ANKRD28: variants seen among roughly 807,000 people sequenced by gnomAD.
The protein encoded by ANKRD28 is serine/threonine-protein phosphatase 6 regulatory ankyrin repeat subunit A.
Under a neutral mutation model 126.5 loss-of-function variants are expected in ANKRD28, and 44 were observed. The observed-to-expected ratio is 0.35, with a 90% CI of 0.27 to 0.45. The LOEUF is 0.45. Among genes scored for constraint, ANKRD28 ranks in the 20% least tolerant of loss-of-function variants. The pLI, the probability that ANKRD28 is intolerant of heterozygous loss-of-function variation, is 1.00. For synonymous variants in ANKRD28, 442 were observed against 468.5 expected (o/e 0.94, Z 0.73); for missense variants, 1,110 against 1,316.6 (o/e 0.84, Z 2.43).
chr3:15,719,073 A>T (rs2073403826), intron 8 of ANKRD28, among the ~76,000 whole-genome samples: 1 of 152,194 alleles, frequency 6.6e-6, no homozygotes, highest in African/African-American at 2.4e-5. Context: ...TTTGACCGAG[A>T]CCTAAAAACT....
intron 2 of ANKRD28, among the ~76,000 whole-genome samples, chr3:15,771,083 T>G (rs2058977783): frequency 6.6e-6 from 1 of 152,102 alleles, no homozygotes; most frequent in Admixed American, 6.5e-5. Context: ...AAAAGAGGTT[T>G]ATTTGGTTTA....
intron 1 of ANKRD28, among the ~76,000 whole-genome samples, chr3:15,850,249 AG>A (rs2061621659): frequency 1.4e-5 from 2 of 140,356 alleles, no homozygotes; most frequent in Admixed American, 7.2e-5. Flanking sequence ...AGAGAGAGAG[AG>A]AGAGAGAGAG....
chr3:15,773,238 T>A (rs534593892), intron 2 of ANKRD28, among the ~76,000 whole-genome samples: 1 of 152,136 alleles, frequency 6.6e-6, no homozygotes, highest in Non-Finnish European at 1.5e-5. Flanking sequence ...TAAGTGAAAG[T>A]TATACTAAAA....
chr3:15,688,719 A>C (rs1325523698), intron 18 of ANKRD28, among the ~76,000 whole-genome samples: 1 of 152,330 alleles, frequency 6.6e-6, no homozygotes, highest in East Asian at 1.9e-4. Context: ...ATAAAAATAG[A>C]GAGTTGTGAA....
chr3:15,669,633 T>C lies in ANKRD28; in HGVS notation c.*637A>G, dbSNP rs2066168079. The C allele has an allele frequency of 2.0e-5, 3 of 152,282 alleles. No homozygotes were observed. In the South Asian group the frequency reaches 6.2e-4, roughly 32 times the overall value. The allele number at this position is 152,282 out of a possible 1,614,324, so 9.4% of individuals were successfully genotyped here. A position where few individuals can be genotyped will look rare whatever the true frequency, so the allele number is the denominator to read the frequency against. ...AATGTAAAAATACATCTGCTTTCTC[T>C]CATGGTTTAATACAGCATTGGAAGG... On this transcript the variant is annotated 3_prime_UTR_variant, in exon 28 of 28. Coordinates refer to ENST00000683139, the MANE Select transcript of ANKRD28 (RefSeq NM_001349278.2).
chr3:15,849,859 C>T (rs759475455), intron 1 of ANKRD28, among the ~76,000 whole-genome samples: 35 of 152,134 alleles, frequency 2.3e-4, no homozygotes, highest in African/African-American at 6.7e-4. Context: ...ACCATGTATA[C>T]GGAAAACTTA....
intron 7 of ANKRD28, among the ~76,000 whole-genome samples, chr3:15,722,226 T>C (rs1425596382): frequency 1.3e-5 from 2 of 152,172 alleles, no homozygotes; most frequent in African/African-American, 4.8e-5. Flanking sequence ...CCAGGTATCA[T>C]GTATTTGGAG....
Position 15,796,648 on chromosome 3 carries a change from T to TTG in ANKRD28, c.-128_-127insCA, listed in dbSNP as rs1197088140. Reference sequence around the variant, plus strand: ...TCTCTGAACAGCACAGCTGGGTTTTTTTTTTTTTTAAAGTTAATAAGTACT... The same window carrying TTG: ...TCTCTGAACAGCACAGCTGGGTTTTTTGTTTTTTTTTAAAGTTAATAAGTACT... On this transcript the variant is annotated 5_prime_UTR_variant, in exon 1 of 28. Coordinates refer to ENST00000683139, the MANE Select transcript of ANKRD28 (RefSeq NM_001349278.2). The TTG allele has an allele frequency of 2.0e-6, 2 of 999,474 alleles. No homozygotes were observed. Among genetic ancestry groups the TTG allele is most frequent in the East Asian group, 1.0e-4 (1 of 9,798 alleles). 61.9% of individuals were successfully genotyped at this position (999,474 alleles called of 1,614,324 possible).
intron 10 of ANKRD28, among the ~76,000 whole-genome samples, chr3:15,712,760 A>C (rs2072483570): frequency 6.6e-6 from 1 of 152,242 alleles, no homozygotes; most frequent in Non-Finnish European, 1.5e-5. Context: ...TTTATACAAT[A>C]ATTCTATAAA....
chr3:15,713,271 A>G (rs2072569088), intron 10 of ANKRD28, among the ~76,000 whole-genome samples: 1 of 152,224 alleles, frequency 6.6e-6, no homozygotes, highest in Admixed American at 6.5e-5. Context: ...AAAAATTAAC[A>G]GCTCTGATCA....
At chr3:15,852,728 G>A (rs1002519118) in intron 1 of ANKRD28, among the ~76,000 whole-genome samples, 1 of 150,710 alleles carries the variant, frequency 6.6e-6, no homozygotes, top group African/African-American at 2.4e-5. Context: ...AGCTATTTGG[G>A]AGGCTGAGAG....
chr3:15,762,523 AT>A (rs536872123), intron 3 of ANKRD28, among the ~76,000 whole-genome samples: 2 of 151,750 alleles, frequency 1.3e-5, no homozygotes, highest in African/African-American at 4.8e-5. Flanking sequence ...TATAGAGTCT[AT>A]TTTTTTTCAA....
intron 4 of ANKRD28, among the ~76,000 whole-genome samples, chr3:15,739,898 C>T (rs186269406): frequency 1.3e-5 from 2 of 152,270 alleles, no homozygotes; most frequent in African/African-American, 4.8e-5. Flanking sequence ...ATATGGAGGC[C>T]TATCACTCCA....
chr3:15,836,471 T>G (rs1204786529), intron 1 of ANKRD28, among the ~76,000 whole-genome samples: 1 of 151,986 alleles, frequency 6.6e-6, no homozygotes, highest in Non-Finnish European at 1.5e-5. Context: ...GAGATACAAA[T>G]CCAACCATTT....
rs1180464982 is a variant in ANKRD28, at chr3:15,739,328, G to A, written c.352-2095C>T. The stretch of plus-strand genomic sequence containing the variant: ...AAGACAGGCATAAGAAATCATAAAA[G>A]TATTAATTTGGGGAACTAATAAATG... On this transcript the variant is annotated intron_variant, in intron 4 of 27. Transcript: ENST00000683139. Among the ~76,000 whole-genome samples the A allele has an allele frequency of 2.0e-5, 3 of 152,172 alleles. No individual in the cohort carries two copies. The East Asian group carries it at 5.8e-4, about 29-fold the overall frequency.
chr3:15,724,336 T>C, intron 7 of ANKRD28, 46 bp downstream of exon 7: 1 of 1,484,940 alleles, frequency 6.7e-7, no homozygotes, highest in Non-Finnish European at 9.2e-7. Flanking sequence ...TAATAGTAAG[T>C]ATAAAAGGGT....
intron 3 of ANKRD28, among the ~76,000 whole-genome samples, chr3:15,763,802 AG>A (rs1369713077): frequency 6.6e-6 from 1 of 152,204 alleles, no homozygotes; most frequent in Non-Finnish European, 1.5e-5. Context: ...TACAGCTCTA[AG>A]GCCAATGTAA....
At chr3:15,693,091 A>G (rs1454429165) in intron 17 of ANKRD28, among the ~76,000 whole-genome samples, 1 of 152,148 alleles carries the variant, frequency 6.6e-6, no homozygotes, top group Admixed American at 6.5e-5. Flanking sequence ...ATTACCAGGG[A>G]CTGGGGAAAG....
At chr3:15,749,156 T>C (rs1391017802) in intron 4 of ANKRD28, among the ~76,000 whole-genome samples, 1 of 139,684 alleles carries the variant, frequency 7.2e-6, no homozygotes, top group Non-Finnish European at 1.5e-5. Context: ...CAGGCCGGAC[T>C]GCGGACTGCA....
Sources: gnomAD v4.1 joint callset for allele counts (sites outside exome capture counted in the v4.1 genomes callset) on GRCh38, gnomAD v4.1.1 for gene constraint, MANE v1.5 for transcripts, NCBI Gene and HGNC (gene_info 2026-07-23, HGNC 2026-07-21) for gene names.